WWOX: variants seen among roughly 807,000 people sequenced by gnomAD.
The protein encoded by WWOX is WW domain-containing oxidoreductase.
WWOX carries 69 observed loss-of-function variants against 46.2 expected under a neutral mutation model. That is an observed-to-expected ratio of 1.49 (90% CI 1.23 to 1.82). The LOEUF is 1.82. WWOX is among the 40% of genes most tolerant of loss of function. The pLI, the probability that WWOX is intolerant of heterozygous loss-of-function variation, is 0.00. For synonymous variants in WWOX, 359 were observed against 202.6 expected (o/e 1.77, Z -6.56); for missense variants, 919 against 542.6 (o/e 1.69, Z -6.89).
intron 5 of WWOX, among the ~76,000 whole-genome samples, chr16:78,209,760 C>G (rs2036501251): frequency 6.7e-6 from 1 of 149,636 alleles, no homozygotes; most frequent in Admixed American, 6.7e-5. Flanking sequence ...AAAAAGAAAC[C>G]TTGAATAATC....
intron 8 of WWOX, among the ~76,000 whole-genome samples, chr16:78,631,585 G>C (rs1469315984): frequency 6.7e-6 from 1 of 149,648 alleles, no homozygotes; most frequent in Non-Finnish European, 1.5e-5. Flanking sequence ...GTCACCCAGG[G>C]TCTAGCACAG....
At chr16:79,088,248 C>A (rs892821382) in intron 8 of WWOX, among the ~76,000 whole-genome samples, 1 of 152,178 alleles carries the variant, frequency 6.6e-6, no homozygotes, top group East Asian at 1.9e-4. Flanking sequence ...TCCCTAAGCA[C>A]AGCCTGTGGA....
intron 5 of WWOX, among the ~76,000 whole-genome samples, chr16:78,207,879 C>G (rs1293962267): frequency 6.6e-6 from 1 of 151,674 alleles, no homozygotes; most frequent in African/African-American, 2.4e-5. Flanking sequence ...GTGGCGTGAT[C>G]TTGGTTCACT....
intron 8 of WWOX, among the ~76,000 whole-genome samples, chr16:79,087,146 G>A (rs1440591784): frequency 6.6e-6 from 1 of 152,204 alleles, no homozygotes; most frequent in African/African-American, 2.4e-5. Context: ...GGCATGATGA[G>A]GAGAGTATTC....
At chr16:78,803,126 T>C (rs1346079188) in intron 8 of WWOX, among the ~76,000 whole-genome samples, 1 of 151,598 alleles carries the variant, frequency 6.6e-6, no homozygotes, top group Non-Finnish European at 1.5e-5. Flanking sequence ...ATATATAAAT[T>C]AGTCTTTCAG....
chr16:79,185,501 C>T (rs60097269), intron 8 of WWOX, among the ~76,000 whole-genome samples: 2 of 2,502 alleles, frequency 8.0e-4, no homozygotes, highest in Non-Finnish European at 0.033. Context: ...TGTGACACCT[C>T]CTGCCCCCTG....
chr16:78,927,256 C>T (rs372191918), intron 8 of WWOX, among the ~76,000 whole-genome samples: 10 of 152,252 alleles, frequency 6.6e-5, no homozygotes, highest in East Asian at 1.9e-4. Flanking sequence ...CCATTTAGTC[C>T]GAGCTTCAGG....
chr16:78,947,621 G>T (rs887070800), intron 8 of WWOX, among the ~76,000 whole-genome samples: 1 of 152,168 alleles, frequency 6.6e-6, no homozygotes, highest in Admixed American at 6.5e-5. Flanking sequence ...CCACACTGTG[G>T]TCAGATAACC....
chr16:79,182,507 G>T (rs1010960607), intron 8 of WWOX, among the ~76,000 whole-genome samples: 1 of 150,394 alleles, frequency 6.6e-6, no homozygotes, highest in Non-Finnish European at 1.5e-5. Context: ...ACTGGGATTG[G>T]AAGGGATCAG....
At chr16:78,212,905 T>G (rs116989454) in intron 5 of WWOX, among the ~76,000 whole-genome samples, 300 of 152,152 alleles carry the variant, frequency 2.0e-3, no homozygotes, top group Non-Finnish European at 3.8e-3. Context: ...CATGGTGAAT[T>G]CATTTCCCAT....
intron 8 of WWOX, among the ~76,000 whole-genome samples, chr16:78,530,085 C>T (rs1268927362): frequency 1.3e-5 from 2 of 152,148 alleles, no homozygotes; most frequent in African/African-American, 2.4e-5. Flanking sequence ...AGGAAGCATG[C>T]AGGTGAGCAG....
intron 8 of WWOX, among the ~76,000 whole-genome samples, chr16:78,936,442 C>G (rs574779020): frequency 6.6e-6 from 1 of 152,156 alleles, no homozygotes; most frequent in African/African-American, 2.4e-5. Context: ...GCTCTTTTCT[C>G]TGTAGGCTTA....
chr16:78,186,127 T>A (rs552392582), intron 5 of WWOX, among the ~76,000 whole-genome samples: 1 of 152,262 alleles, frequency 6.6e-6, no homozygotes, highest in African/African-American at 2.4e-5. Context: ...TTTCAGACAG[T>A]ATAAAAAAAT....
In WWOX at chr16:78,957,466, G is replaced by T. The variant is rs75029223; in HGVS notation, c.1057-254142G>T. Reference sequence around the variant, plus strand: ...CAGCCAGTGGCTCATTGTAGACATAGGGATGTCGCCTGTGTTTGGGGCTGA... The same window carrying T: ...CAGCCAGTGGCTCATTGTAGACATATGGATGTCGCCTGTGTTTGGGGCTGA... On this transcript the variant is annotated intron_variant, in intron 8 of 8. Coordinates refer to ENST00000566780, the MANE Select transcript of WWOX (RefSeq NM_016373.4). Among the ~76,000 whole-genome samples the T allele has an allele frequency of 8.5e-3, 1,299 of 152,264 alleles. 9 individuals carry two copies. The highest frequency in any genetic ancestry group is 0.015 in the Non-Finnish European group (993 of 68,022).
intron 8 of WWOX, among the ~76,000 whole-genome samples, chr16:78,637,653 G>A (rs1291662421): frequency 6.6e-6 from 1 of 152,214 alleles, no homozygotes; most frequent in Non-Finnish European, 1.5e-5. Context: ...TGGAGACGTT[G>A]TTTTCCTGTA....
intron 8 of WWOX, among the ~76,000 whole-genome samples, chr16:78,642,039 G>C (rs1320969501): frequency 1.3e-5 from 2 of 152,180 alleles, no homozygotes; most frequent in Non-Finnish European, 2.9e-5. Context: ...GTTTATTGGA[G>C]AGTTAACACT....
chr16:78,280,747 A>G (rs541418779), intron 5 of WWOX: 1 of 152,324 alleles, frequency 6.6e-6, no homozygotes, highest in African/African-American at 2.4e-5. Context: ...ATTTAATTTT[A>G]CATAAACATG....
chr16:78,668,172 C>G lies in WWOX; in HGVS notation c.1056+235420C>G, dbSNP rs541149091. Among the ~76,000 whole-genome samples the G allele has an allele frequency of 1.3e-4, 20 of 152,188 alleles. 1 individual carries two copies. The South Asian group carries it at 3.9e-3, about 30-fold the overall frequency. On this transcript the variant is annotated intron_variant, in intron 8 of 8. Coordinates refer to ENST00000566780, the MANE Select transcript of WWOX (RefSeq NM_016373.4). ...GCACATGCCTGTAATCCCAGCTACT[C>G]GGGAGGCTGGGACAGAAGAACCACT...
At chr16:78,406,327 T>TATATATAA (rs2082538746) in intron 6 of WWOX, among the ~76,000 whole-genome samples, 2 of 86,170 alleles carry the variant, frequency 2.3e-5, no homozygotes, top group Non-Finnish European at 3.9e-5. Flanking sequence ...TATATATATA[T>TATATATAA]ATATATATAT....
Sources: gnomAD v4.1 joint callset for allele counts (sites outside exome capture counted in the v4.1 genomes callset) on GRCh38, gnomAD v4.1.1 for gene constraint, MANE v1.5 for transcripts, NCBI Gene and HGNC (gene_info 2026-07-23, HGNC 2026-07-21) for gene names.